Variants in LAMC1 observed in about 807,000 individuals in gnomAD.
The protein encoded by LAMC1 is laminin subunit gamma-1.
LAMC1 carries 38 observed loss-of-function variants against 173.6 expected under a neutral mutation model. The observed-to-expected ratio is 0.22, with a 90% CI of 0.17 to 0.29. LAMC1 has a LOEUF of 0.29. LAMC1 is among the 10% of genes least tolerant of loss of function. The pLI is 1.00. For synonymous variants in LAMC1, 746 were observed against 749.1 expected (o/e 1.00, Z 0.07); for missense variants, 1,824 against 2,051.8 (o/e 0.89, Z 2.14).
Position 183,122,123 on chromosome 1 carries a change from A to T in LAMC1, c.2273A>T (p.Tyr758Phe). ...CACTGTGAGAAGTGCAGTGATGGGT[A>T]CTATGGAGATTCAACTGCAGGCACC... ...GPHCEKCSDG[Y>F]YGDSTAGTSS... Residue 758 changes from tyrosine to phenylalanine, a missense_variant, in exon 13 of 28, where the codon TAC (tyrosine) becomes TTC (phenylalanine). By Grantham distance (22) the Tyr-to-Phe change is conservative. Transcript: ENST00000258341. The T allele has an allele frequency of 6.2e-7, 1 of 1,614,212 alleles. No individual in the cohort carries two copies. The highest frequency in any genetic ancestry group is 8.5e-7 in the Non-Finnish European group (1 of 1,180,020).
intron 1 of LAMC1, among the ~76,000 whole-genome samples, chr1:183,101,265 T>A (rs1655827573): frequency 6.6e-6 from 1 of 152,050 alleles, no homozygotes. Flanking sequence ...CATTCTGTAA[T>A]GTCTTAGATA....
chr1:183,109,658 C>T (rs1017519830), intron 3 of LAMC1, among the ~76,000 whole-genome samples: 6 of 152,162 alleles, frequency 3.9e-5, no homozygotes, highest in African/African-American at 1.4e-4. Flanking sequence ...GGGACTTGTC[C>T]TGCCACACTA....
chr1:183,133,369 C>T, intron 21 of LAMC1, 37 bp from the exon 22 acceptor site: 1 of 1,575,954 alleles, frequency 6.3e-7, no homozygotes, highest in Non-Finnish European at 8.7e-7. Context: ...CTAAAAGCAG[C>T]TAAGATTGTC....
At chr1:183,132,588 A>C (rs1241300857) in intron 21 of LAMC1, 51 bp downstream of exon 21, 1 of 1,441,748 alleles carries the variant, frequency 6.9e-7, no homozygotes, top group Non-Finnish European at 9.7e-7. Flanking sequence ...TCTGGTAAGT[A>C]ACACTAGTTC....
Position 183,139,038 on chromosome 1 carries a change from C to T in LAMC1, c.4473+1211C>T, listed in dbSNP as rs535264210. On this transcript the variant is annotated intron_variant, in intron 26 of 27. Coordinates refer to ENST00000258341, the MANE Select transcript of LAMC1 (RefSeq NM_002293.4). The stretch of plus-strand genomic sequence containing the variant: ...CACCCTGGGCCACAGAGGAAGACTC[C>T]GTCTCAAAAAAACAAAAATTCCCAT... Among the ~76,000 whole-genome samples the T allele has an allele frequency of 4.6e-5, 7 of 151,686 alleles. No individual in the cohort carries two copies. The East Asian group carries it at 5.8e-4, about 13-fold the overall frequency.
intron 1 of LAMC1, among the ~76,000 whole-genome samples, chr1:183,067,280 A>G (rs569600660): frequency 7.2e-5 from 11 of 152,040 alleles, no homozygotes; most frequent in Admixed American, 7.2e-4. Flanking sequence ...CATCTGTACA[A>G]TTTTTCAGTT....
At chr1:183,135,002 G>C (rs368809858) in intron 23 of LAMC1, 40 bp from the exon 24 acceptor site, 18 of 1,520,220 alleles carry the variant, frequency 1.2e-5, no homozygotes, top group Non-Finnish European at 1.5e-5. Flanking sequence ...GAAGGGATTT[G>C]CTTTGAGGGT....
chr1:183,064,298 TG>T (rs1180636854), intron 1 of LAMC1, among the ~76,000 whole-genome samples: 44 of 152,338 alleles, frequency 2.9e-4, no homozygotes, highest in Middle Eastern at 6.8e-3. Flanking sequence ...CAAACTTCGA[TG>T]GTATGGGCCT....
chr1:183,121,951 T>TG lies in LAMC1; in HGVS notation c.2212+8dup, dbSNP rs1337849175. On this transcript the variant is annotated splice_region_variant and intron_variant, in intron 12 of 27. Transcript: ENST00000258341. Reference sequence around the variant, plus strand: ...ACCTGTGATCCTGAGACAGGTGAGATGATCTTTGGCAGCTCTTAGACCTAA... The same window carrying TG: ...ACCTGTGATCCTGAGACAGGTGAGATGGATCTTTGGCAGCTCTTAGACCTAA... The TG allele has an allele frequency of 6.2e-7, 1 of 1,613,448 alleles. No individual in the cohort carries two copies. The highest frequency in any genetic ancestry group is 2.2e-5 in the East Asian group (1 of 44,870).
At chr1:183,063,509 T>TA (rs1654791347) in intron 1 of LAMC1, among the ~76,000 whole-genome samples, 2 of 152,210 alleles carry the variant, frequency 1.3e-5, no homozygotes, top group South Asian at 4.1e-4. Flanking sequence ...CGTTGTCTGT[T>TA]ACTATTTGGA....
At chr1:183,124,478 C>T (rs901457326) in intron 13 of LAMC1, among the ~76,000 whole-genome samples, 153 bp from the exon 14 acceptor site, 16 of 152,202 alleles carry the variant, frequency 1.1e-4, no homozygotes, top group African/African-American at 2.2e-4. Flanking sequence ...GGTCTGGCCC[C>T]GTGCCAGGGC....
Position 183,108,344 on chromosome 1 carries a change from T to A in LAMC1, c.792T>A (p.Phe264Leu). 1 of 1,613,560 alleles carries A rather than the reference T, an allele frequency of 6.2e-7. No individual in the cohort carries two copies. The highest frequency in any genetic ancestry group is 1.1e-5 in the South Asian group (1 of 91,066). Reference sequence around the variant, plus strand: ...TGAACACTTTTGGAGATGAAGTGTTTAACGATCCCAAAGTTCTCAAGTCCT... The same window carrying A: ...TGAACACTTTTGGAGATGAAGTGTTAAACGATCCCAAAGTTCTCAAGTCCT... ...NRLNTFGDEV[F>L]NDPKVLKSYY... Residue 264 changes from phenylalanine to leucine, a missense_variant, in exon 3 of 28, where the codon TTT (phenylalanine) becomes TTA (leucine). Phe to Leu is a conservative substitution (Grantham distance 22). Transcript: ENST00000258341.
rs144825743 is a variant in LAMC1, at chr1:183,133,408, A to T, written c.3707A>T (p.Tyr1236Phe). The change falls in exon 22 of 28, where the codon TAT becomes TTT. Residue 1236 changes from tyrosine (Y) to phenylalanine (F), a missense_variant and splice_region_variant. Transcript: ENST00000258341. ...AFEIEELNRK[Y>F]EQAKNISQDL... ...AAACCACATTATTTGTGTCTTAGGT[A>T]TGAACAAGCGAAGAACATCTCACAG... 1.2e-6 allele frequency: 2 copies of T among 1,613,122 alleles called. No individual in the cohort carries two copies. Among genetic ancestry groups the T allele is most frequent in the African/African-American group, 2.7e-5 (2 of 74,928 alleles).
At chr1:183,120,129 G>T (rs537353946) in intron 11 of LAMC1, among the ~76,000 whole-genome samples, 2 of 131,684 alleles carry the variant, frequency 1.5e-5, no homozygotes, top group South Asian at 5.1e-4. Flanking sequence ...TGATCATGCC[G>T]TTGCACACCA....
intron 1 of LAMC1, among the ~76,000 whole-genome samples, chr1:183,039,485 A>C (rs923690475): frequency 6.6e-5 from 10 of 152,210 alleles, no homozygotes; most frequent in Admixed American, 4.6e-4. Flanking sequence ...AGAATTCTAC[A>C]AATTATGAGC....
intron 1 of LAMC1, among the ~76,000 whole-genome samples, chr1:183,092,305 G>A (rs2102060293): frequency 6.6e-6 from 1 of 152,198 alleles, no homozygotes; most frequent in South Asian, 2.1e-4. Flanking sequence ...TTACAGTAGG[G>A]AAGTATTTCT....
intron 7 of LAMC1, 35 bp from the exon 8 acceptor site, chr1:183,116,732 A>T: frequency 6.2e-7 from 1 of 1,612,656 alleles, no homozygotes; most frequent in Non-Finnish European, 8.5e-7. Context: ...TTCAAGTAAA[A>T]AAAAAGTAAC....
intron 26 of LAMC1, among the ~76,000 whole-genome samples, chr1:183,139,839 A>G (rs938909633): frequency 8.5e-5 from 13 of 152,166 alleles, no homozygotes; most frequent in Non-Finnish European, 1.9e-4. Flanking sequence ...TGTAAATTAT[A>G]TTGCCCCAAT....
chr1:183,135,430 A>T lies in LAMC1; in HGVS notation c.4114+274A>T, dbSNP rs557829039. ...TATAGGTAAATGGAGATTATCTTTC[A>T]TTTTCTCTGCCAGTGGCATCTGATT... is the stretch of plus-strand genomic sequence containing the variant. On this transcript the variant is annotated intron_variant, in intron 24 of 27. Transcript: ENST00000258341. Among the ~76,000 whole-genome samples, 15 of 151,916 alleles carry T rather than the reference A, an allele frequency of 9.9e-5. No individual in the cohort carries two copies. The East Asian group carries it at 2.7e-3, about 27-fold the overall frequency.
Sources: allele counts gnomAD v4.1 joint callset (sites outside exome capture counted in the v4.1 genomes callset), GRCh38; gene constraint gnomAD v4.1.1; transcripts MANE v1.5; gene names NCBI Gene and HGNC (gene_info 2026-07-23, HGNC 2026-07-21).